Variants in PPFIA2 observed in about 807,000 individuals in gnomAD.
The protein encoded by PPFIA2 is liprin-alpha-2.
In PPFIA2, 46 loss-of-function variants were observed where a neutral mutation model predicts 175.5. That is an observed-to-expected ratio of 0.26 (90% confidence interval 0.21 to 0.34). The LOEUF (loss-of-function observed/expected upper bound fraction) is 0.34. Ranked by LOEUF, PPFIA2 falls within the 10% of genes least tolerant of loss-of-function variation. The pLI, the probability that PPFIA2 is intolerant of heterozygous loss-of-function variation, is 1.00. For missense variants in PPFIA2, 1,179 were observed against 1,506.1 expected, an observed-to-expected ratio of 0.78 and a Z score of 3.60; for synonymous variants, 568 against 511.4, an observed-to-expected ratio of 1.11 and a Z score of -1.49.
intron 8 of PPFIA2, among the ~76,000 whole-genome samples, chr12:81,390,239 G>A (rs575717417): frequency 3.2e-4 from 48 of 152,114 alleles, no homozygotes; most frequent in East Asian, 1.9e-4. Context: ...AATAACTGCC[G>A]TGAACTTTTG....
intron 4 of PPFIA2, among the ~76,000 whole-genome samples, chr12:81,592,637 T>G (rs919325359): frequency 4.6e-5 from 7 of 152,146 alleles, no homozygotes; most frequent in African/African-American, 1.4e-4. Flanking sequence ...GCCATCCACT[T>G]AAGACATGAC....
intron 4 of PPFIA2, 115 bp from the exon 5 acceptor site, chr12:81,457,981 C>G (rs1450802859): frequency 3.1e-6 from 2 of 645,312 alleles, no homozygotes; most frequent in Non-Finnish European, 5.3e-6. Context: ...ACTGACTGGT[C>G]AACATATGTT....
intron 32 of PPFIA2, chr12:81,260,616 T>C (rs2035121602): frequency 6.6e-6 from 1 of 152,184 alleles, no homozygotes; most frequent in South Asian, 2.1e-4. Flanking sequence ...AAATTAAATC[T>C]CTTATCGGGA....
intron 4 of PPFIA2, among the ~76,000 whole-genome samples, chr12:81,660,698 G>A (rs1336424742): frequency 6.6e-6 from 1 of 151,982 alleles, no homozygotes; most frequent in Admixed American, 6.6e-5. Flanking sequence ...TACAGAGAAC[G>A]CCACAAAGAT....
At chr12:81,642,661 TTATA>T (rs1356080172) in intron 4 of PPFIA2, among the ~76,000 whole-genome samples, 2 of 98,078 alleles carry the variant, frequency 2.0e-5, no homozygotes, top group African/African-American at 7.4e-5. Flanking sequence ...TATGTATCTA[TTATA>T]TACATACATG....
Position 81,306,790 on chromosome 12 carries a change from C to T in PPFIA2, c.2643-7408G>A, listed in dbSNP as rs117159861. 2.4e-3 allele frequency among the ~76,000 whole-genome samples: 366 copies of T among 152,136 alleles called. 1 individual carries two copies. Among genetic ancestry groups the T allele is most frequent in the Non-Finnish European group, 4.3e-3 (294 of 67,984 alleles). On this transcript the variant is annotated intron_variant, in intron 22 of 32. Coordinates refer to ENST00000549396, the MANE Select transcript of PPFIA2 (RefSeq NM_003625.5). ...CTCCTGGCCTCAAGTGATCTGCTCA[C>T]GTCAGCTTCCCAAAGTGCTGGCATT...
At chr12:81,287,511 C>T (rs1459919515) in intron 24 of PPFIA2, among the ~76,000 whole-genome samples, 3 of 151,858 alleles carry the variant, frequency 2.0e-5, no homozygotes, top group Non-Finnish European at 2.9e-5. Context: ...TTAGTTGTTT[C>T]TGTTTGATAT....
At chr12:81,544,814 C>G (rs1360554022) in intron 4 of PPFIA2, among the ~76,000 whole-genome samples, 1 of 152,054 alleles carries the variant, frequency 6.6e-6, no homozygotes, top group African/African-American at 2.4e-5. Flanking sequence ...AAGCTGCTTC[C>G]AAATCACCGT....
chr12:81,398,179 C>T (rs2041491839), intron 8 of PPFIA2, among the ~76,000 whole-genome samples: 1 of 151,988 alleles, frequency 6.6e-6, no homozygotes, highest in African/African-American at 2.4e-5. Context: ...TTGCCAAAAA[C>T]TTTGGGGACC....
At position 81,703,380 on chromosome 12, in the gene PPFIA2, G is replaced by C. The variant is rs76391685; in HGVS notation, c.250-26536C>G. On this transcript the variant is annotated intron_variant, in intron 3 of 32. Coordinates refer to ENST00000549396, the MANE Select transcript of PPFIA2 (RefSeq NM_003625.5). ...TCCAACAAAACCAGAAAAACTGCTA[G>C]TCATCCTTGATTTTTATTCTTCCTC... 8.0e-3 allele frequency among the ~76,000 whole-genome samples: 1,214 copies of C among 151,984 alleles called. 90 individuals carry two copies. In the East Asian group the frequency reaches 0.2, roughly 24 times the overall value.
Position 81,484,467 on chromosome 12 carries a change from T to G in PPFIA2, c.304-26601A>C, listed in dbSNP as rs553273079. Among the ~76,000 whole-genome samples, 11 of 152,138 alleles carry G rather than the reference T, an allele frequency of 7.2e-5. 1 individual carries two copies. The South Asian group carries it at 2.3e-3, about 32-fold the overall frequency. On this transcript the variant is annotated intron_variant, in intron 4 of 32. Transcript: ENST00000549396. The stretch of plus-strand genomic sequence containing the variant: ...GAGGCAGAAATACCCTCAAAGATAT[T>G]AATATTTTCATGTTGTACAATAATA...
chr12:81,393,247 C>G (rs566370722), intron 8 of PPFIA2, among the ~76,000 whole-genome samples: 1 of 152,158 alleles, frequency 6.6e-6, no homozygotes, highest in South Asian at 2.1e-4. Flanking sequence ...AATTCTTACT[C>G]TGTATAGTTT....
chr12:81,553,423 G>T (rs1326320887), intron 4 of PPFIA2, among the ~76,000 whole-genome samples: 1 of 152,002 alleles, frequency 6.6e-6, no homozygotes, highest in Non-Finnish European at 1.5e-5. Flanking sequence ...CTCCCATCAA[G>T]ATGAAGACTG....
intron 3 of PPFIA2, among the ~76,000 whole-genome samples, chr12:81,679,853 G>C (rs1444020692): frequency 6.6e-6 from 1 of 151,930 alleles, no homozygotes; most frequent in Non-Finnish European, 1.5e-5. Context: ...GAACATAAGT[G>C]TGCATGGATA....
intron 7 of PPFIA2, among the ~76,000 whole-genome samples, chr12:81,409,359 A>G (rs531780663): frequency 6.6e-6 from 1 of 152,220 alleles, no homozygotes; most frequent in East Asian, 1.9e-4. Flanking sequence ...TTGCCTTTGT[A>G]ATGGTATTAA....
At chr12:81,341,516 G>A (rs894229760) in intron 19 of PPFIA2, among the ~76,000 whole-genome samples, 1 of 152,006 alleles carries the variant, frequency 6.6e-6, no homozygotes, top group Non-Finnish European at 1.5e-5. Context: ...AGCCCAAGAC[G>A]GCTTTGAATG....
At chr12:81,532,394 CA>C (rs747423537) in intron 4 of PPFIA2, among the ~76,000 whole-genome samples, 6 of 151,750 alleles carry the variant, frequency 4.0e-5, no homozygotes, top group Non-Finnish European at 7.4e-5. Context: ...GCTCAGCTCC[CA>C]AAATCTTGCC....
intron 22 of PPFIA2, among the ~76,000 whole-genome samples, chr12:81,317,379 A>G (rs556946277): frequency 6.6e-6 from 1 of 151,664 alleles, no homozygotes; most frequent in South Asian, 2.1e-4. Flanking sequence ...GGCAGCTAAA[A>G]AATAAGATTT....
intron 29 of PPFIA2, among the ~76,000 whole-genome samples, chr12:81,267,495 A>AT (rs779649843): frequency 2.0e-5 from 3 of 152,070 alleles, no homozygotes; most frequent in Admixed American, 6.5e-5. Context: ...TGGAGGTTTT[A>AT]TTTTTTATTC....
Sources: gnomAD v4.1 joint callset for allele counts (sites outside exome capture counted in the v4.1 genomes callset) on GRCh38, gnomAD v4.1.1 for gene constraint, MANE v1.5 for transcripts, NCBI Gene and HGNC (gene_info 2026-07-23, HGNC 2026-07-21) for gene names.